RSRC1: variants seen among roughly 807,000 people sequenced by gnomAD.
RSRC1 encodes the protein arginine and serine rich coiled-coil 1.
A neutral mutation model predicts 49.1 loss-of-function variants in RSRC1; 39 were observed. The observed-to-expected ratio is 0.79, with a 90% CI of 0.61 to 1.04. The LOEUF (loss-of-function observed/expected upper bound fraction) is 1.04. RSRC1 is among the 50% of genes least tolerant of loss of function. The probability of loss-of-function intolerance (pLI) is 0.00; values close to 1 mark genes in which losing one functional copy is unlikely to be tolerated. For missense variants in RSRC1, 388 were observed against 402.4 expected, an observed-to-expected ratio of 0.96 and a Z score of 0.31; for synonymous variants, 143 against 130.8, an observed-to-expected ratio of 1.09 and a Z score of -0.63.
intron 1 of RSRC1, among the ~76,000 whole-genome samples, chr3:158,121,785 A>G (rs1284608870): frequency 1.3e-5 from 2 of 152,222 alleles, no homozygotes; most frequent in Non-Finnish European, 2.9e-5. Context: ...TCAAGAAGCC[A>G]GGCACATAAA....
rs760208479 is a variant in RSRC1 at position 158,537,105 on chromosome 3, G to C, written c.666G>C (p.Leu222=). Residue 222 remains leucine (L), a synonymous_variant, in exon 8 of 10, where the codon CTG becomes CTC. Coordinates refer to ENST00000611884, the MANE Select transcript of RSRC1 (RefSeq NM_001271838.2). The part of the protein sequence containing the change: ...KRRKEEDQAT[L]VEQVKRVKEI... ...CCTCTTTTTCAGACCAAGCCACCCTGGTAGAACAAGTAAAAAGAGTAAAAG... is the reference window on the plus strand; with the variant it reads ...CCTCTTTTTCAGACCAAGCCACCCTCGTAGAACAAGTAAAAAGAGTAAAAG... 2 of 1,607,990 alleles carry C rather than the reference G, an allele frequency of 1.2e-6. No individual in the cohort carries two copies. Among genetic ancestry groups the C allele is most frequent in the East Asian group, 2.2e-5 (1 of 44,626 alleles).
intron 7 of RSRC1, among the ~76,000 whole-genome samples, chr3:158,472,626 G>T (rs571460460): frequency 6.6e-5 from 10 of 152,064 alleles, no homozygotes; most frequent in Middle Eastern, 3.2e-3. Context: ...AAGGATGACT[G>T]CATAAATGTC....
intron 3 of RSRC1, among the ~76,000 whole-genome samples, chr3:158,173,627 T>C (rs4679823): frequency 0.6 from 90,492 of 151,738 alleles, 27,266 homozygotes; most frequent in East Asian, 0.73. Context: ...GAGAAATGTA[T>C]GAAAACATTT....
intron 3 of RSRC1, among the ~76,000 whole-genome samples, chr3:158,166,818 A>G (rs1718567047): frequency 6.6e-6 from 1 of 152,166 alleles, no homozygotes; most frequent in African/African-American, 2.4e-5. Context: ...CTTTTTGTTA[A>G]TACCTTTTGA....
intron 3 of RSRC1, among the ~76,000 whole-genome samples, chr3:158,192,424 A>G (rs372987283): frequency 5.9e-5 from 9 of 152,214 alleles, no homozygotes; most frequent in East Asian, 3.9e-4. Context: ...TATGTTTTCT[A>G]TAGTAGAGTC....
At chr3:158,204,134 T>G (rs1721222340) in intron 4 of RSRC1, among the ~76,000 whole-genome samples, 1 of 152,178 alleles carries the variant, frequency 6.6e-6, no homozygotes, top group South Asian at 2.1e-4. Flanking sequence ...TTTACTAGGA[T>G]TGCACATATA....
rs1713294837 is a variant in RSRC1 at position 158,545,508 on chromosome 3, A to T, written c.*1233A>T. 6.6e-6 allele frequency: 1 copy of T among 152,182 alleles called. No individual in the cohort carries two copies. The highest frequency in any genetic ancestry group is 2.4e-5 in the African/African-American group (1 of 41,444). 9.4% of individuals were successfully genotyped at this position (152,182 alleles called of 1,614,324 possible). ...GATAAGCAAAAAAAGTCTTCAGGGT[A>T]GGACTGCCAACATATAGGACATTTT... On this transcript the variant is annotated 3_prime_UTR_variant, in exon 10 of 10. Transcript: ENST00000611884.
rs74713146 is a variant in RSRC1 at position 158,531,545 on chromosome 3, A to C, written c.653-5547A>C. Among the ~76,000 whole-genome samples, 1,205 of 152,022 alleles carry C rather than the reference A, an allele frequency of 7.9e-3. 10 individuals carry two copies. Among genetic ancestry groups the C allele is most frequent in the African/African-American group, 0.028 (1,149 of 41,516 alleles). On this transcript the variant is annotated intron_variant, in intron 7 of 9. Transcript: ENST00000611884. ...CCGTCCAAAGTGGAGTTCCTTTCAG[A>C]CACTTCAGGAGCCTCGTCCGCATAT...
chr3:158,176,760 C>G (rs890278457), intron 3 of RSRC1, among the ~76,000 whole-genome samples: 3 of 152,202 alleles, frequency 2.0e-5, no homozygotes, highest in African/African-American at 7.2e-5. Flanking sequence ...ACTAAAACAC[C>G]AAACGCAATG....
rs1717540453 is a variant in RSRC1 at position 158,151,627 on chromosome 3, CTAGGTGG to C, written c.320+27642_320+27648del. Reference sequence around the variant, plus strand: ...CTGAATGCCATCAAATAAATGCCAACTAGGTGGTAGGTCCTGTGCTGCGCGGTGTGAA... The same window carrying C: ...CTGAATGCCATCAAATAAATGCCAACTAGGTCCTGTGCTGCGCGGTGTGAA... On this transcript the variant is annotated intron_variant, in intron 3 of 9. Transcript: ENST00000611884. Among the ~76,000 whole-genome samples the C allele has an allele frequency of 3.9e-5, 6 of 152,262 alleles. No individual in the cohort carries two copies. In the South Asian group the frequency reaches 1.2e-3, roughly 32 times the overall value.
chr3:158,503,646 T>C (rs1460881127), intron 7 of RSRC1, among the ~76,000 whole-genome samples: 10 of 152,094 alleles, frequency 6.6e-5, no homozygotes, highest in African/African-American at 2.2e-4. Flanking sequence ...TGCTGAGTCA[T>C]GCAGGTTGTT....
chr3:158,316,784 G>A (rs1191580975), intron 5 of RSRC1, among the ~76,000 whole-genome samples: 1 of 152,068 alleles, frequency 6.6e-6, no homozygotes, highest in Non-Finnish European at 1.5e-5. Flanking sequence ...GACATTGTTT[G>A]GCCTGCTCTT....
At chr3:158,241,501 T>A (rs1173212901) in intron 4 of RSRC1, among the ~76,000 whole-genome samples, 1 of 151,572 alleles carries the variant, frequency 6.6e-6, no homozygotes, top group Non-Finnish European at 1.5e-5. Context: ...TAAAAAAGTG[T>A]CCATAGTGCC....
At chr3:158,251,160 A>T (rs1205875521) in intron 4 of RSRC1, among the ~76,000 whole-genome samples, 2 of 151,922 alleles carry the variant, frequency 1.3e-5, no homozygotes, top group South Asian at 2.1e-4. Context: ...TGGGCTCTCT[A>T]TTCTGTTCCA....
At chr3:158,308,870 T>C (rs151282528) in intron 5 of RSRC1, among the ~76,000 whole-genome samples, 13 of 152,082 alleles carry the variant, frequency 8.5e-5, no homozygotes, top group African/African-American at 3.1e-4. Context: ...TTCTCATTTT[T>C]CTTCTACATG....
chr3:158,114,936 T>A (rs1714695741), intron 1 of RSRC1, among the ~76,000 whole-genome samples: 1 of 152,176 alleles, frequency 6.6e-6, no homozygotes, highest in Admixed American at 6.5e-5. Context: ...TAGGATTATG[T>A]CATCTGCAAA....
intron 7 of RSRC1, among the ~76,000 whole-genome samples, chr3:158,525,729 C>G (rs1711977098): frequency 6.6e-6 from 1 of 151,952 alleles, no homozygotes; most frequent in East Asian, 1.9e-4. Flanking sequence ...AGCATTACCA[C>G]AGATGTACCC....
At chr3:158,483,128 GA>G (rs1173561397) in intron 7 of RSRC1, among the ~76,000 whole-genome samples, 1 of 151,872 alleles carries the variant, frequency 6.6e-6, no homozygotes, top group Non-Finnish European at 1.5e-5. Context: ...TTCAACAAAA[GA>G]AAAAGAAAAA....
intron 7 of RSRC1, among the ~76,000 whole-genome samples, chr3:158,472,015 A>AT (rs1321533218): frequency 6.6e-6 from 1 of 152,150 alleles, no homozygotes; most frequent in African/African-American, 2.4e-5. Context: ...CAATTATTTA[A>AT]AAAGCACTAA....
Sources: gnomAD v4.1 joint callset for allele counts (sites outside exome capture counted in the v4.1 genomes callset) on GRCh38, gnomAD v4.1.1 for gene constraint, MANE v1.5 for transcripts, NCBI Gene and HGNC (gene_info 2026-07-23, HGNC 2026-07-21) for gene names.